APBB2: variants seen among roughly 807,000 people sequenced by gnomAD.
APBB2 encodes the protein Fe65-like 1.
APBB2 carries 38 observed loss-of-function variants against 82.5 expected under a neutral mutation model. The ratio of observed to expected loss-of-function variants is 0.46; its 90% CI spans 0.36 to 0.60. The LOEUF (loss-of-function observed/expected upper bound fraction) is 0.60. APBB2 is among the 20% of genes least tolerant of loss of function. APBB2 has a pLI of 0.00. For missense variants in APBB2, 772 were observed against 972.3 expected, an observed-to-expected ratio of 0.79 and a Z score of 2.74; for synonymous variants, 341 against 368.2, an observed-to-expected ratio of 0.93 and a Z score of 0.85.
intron 17 of APBB2, 99 bp downstream of exon 17, chr4:40,821,772 G>C: frequency 7.2e-7 from 1 of 1,393,896 alleles, no homozygotes; most frequent in Non-Finnish European, 9.8e-7. Context: ...TTAGGGATTC[G>C]ACTTTTTTCA....
chr4:41,192,377 C>T (rs1036868627), intron 1 of APBB2, among the ~76,000 whole-genome samples: 2 of 152,080 alleles, frequency 1.3e-5, no homozygotes, highest in African/African-American at 2.4e-5. Flanking sequence ...AGCCAAGATA[C>T]GGAAACAACC....
chr4:40,926,689 G>C (rs1782689723), intron 10 of APBB2, among the ~76,000 whole-genome samples: 1 of 152,182 alleles, frequency 6.6e-6, no homozygotes, highest in Admixed American at 6.5e-5. Flanking sequence ...TTGACCTCAG[G>C]TGATCCGCCA....
chr4:41,175,735 A>C (rs1217269405), intron 1 of APBB2, among the ~76,000 whole-genome samples: 2 of 152,230 alleles, frequency 1.3e-5, no homozygotes, highest in African/African-American at 4.8e-5. Flanking sequence ...TGAATGTTTG[A>C]ATGATTTGGA....
At chr4:40,937,917 C>T (rs1001781721) in intron 7 of APBB2, among the ~76,000 whole-genome samples, 1 of 152,216 alleles carries the variant, frequency 6.6e-6, no homozygotes, top group African/African-American at 2.4e-5. Flanking sequence ...TAAAAAAGCA[C>T]AACCCAACAG....
At chr4:40,969,927 T>C (rs903581977) in intron 6 of APBB2, among the ~76,000 whole-genome samples, 3 of 152,244 alleles carry the variant, frequency 2.0e-5, no homozygotes, top group East Asian at 1.9e-4. Flanking sequence ...ATTCTTCACA[T>C]ATAATGATAA....
At chr4:41,164,670 G>A (rs943020347) in intron 1 of APBB2, among the ~76,000 whole-genome samples, 2 of 152,138 alleles carry the variant, frequency 1.3e-5, no homozygotes, top group South Asian at 2.1e-4. Flanking sequence ...ATCACTTCTC[G>A]TTAAATGTTA....
At chr4:40,971,474 C>A (rs1050157924) in intron 6 of APBB2, among the ~76,000 whole-genome samples, 1 of 152,200 alleles carries the variant, frequency 6.6e-6, no homozygotes, top group Non-Finnish European at 1.5e-5. Context: ...CATCTTTATG[C>A]AGAAGCAGGA....
At chr4:40,860,130 C>T (rs1326779359) in intron 12 of APBB2, among the ~76,000 whole-genome samples, 2 of 152,212 alleles carry the variant, frequency 1.3e-5, no homozygotes, top group Non-Finnish European at 2.9e-5. Flanking sequence ...TGTTTCTGTA[C>T]AGTGAAGAAT....
At chr4:40,833,767 C>T (rs1448665130) in intron 12 of APBB2, among the ~76,000 whole-genome samples, 1 of 152,124 alleles carries the variant, frequency 6.6e-6, no homozygotes, top group Non-Finnish European at 1.5e-5. Flanking sequence ...AGTCCCTCCC[C>T]GGCTCTGACA....
At chr4:41,172,184 C>T (rs1207570352) in intron 1 of APBB2, among the ~76,000 whole-genome samples, 1 of 152,186 alleles carries the variant, frequency 6.6e-6, no homozygotes, top group African/African-American at 2.4e-5. Flanking sequence ...TGCCTGGTGC[C>T]TGGCCCCTGC....
chr4:41,101,832 G>A (rs1389805831), intron 2 of APBB2, among the ~76,000 whole-genome samples: 3 of 151,860 alleles, frequency 2.0e-5, no homozygotes, highest in African/African-American at 2.4e-5. Flanking sequence ...GGTGGCATGC[G>A]CCTGTAATCC....
At chr4:40,896,051 G>A (rs1028094067) in intron 10 of APBB2, among the ~76,000 whole-genome samples, 10 of 151,708 alleles carry the variant, frequency 6.6e-5, no homozygotes, top group East Asian at 3.9e-4. Context: ...ATAAACAGCC[G>A]GTGACCTCAA....
chr4:41,044,413 T>C (rs1034334902), intron 4 of APBB2, among the ~76,000 whole-genome samples: 7 of 152,370 alleles, frequency 4.6e-5, no homozygotes, highest in East Asian at 1.9e-4. Context: ...CTAATAATCT[T>C]TGATAGCTTC....
rs1369037441 is a variant in APBB2 at position 41,214,503 on chromosome 4, A to G, written c.-515T>C. On this transcript the variant is annotated 5_prime_UTR_variant, in exon 1 of 18. Coordinates refer to ENST00000508593, the MANE Select transcript of APBB2 (RefSeq NM_004307.2). ...CCCAGATCAGATGCGGTTACAGCGC[A>G]CTAGCTTCCTACTTGAGACCAGAAC... The G allele has an allele frequency of 6.6e-6, 1 of 152,306 alleles. No individual in the cohort carries two copies. The highest frequency in any genetic ancestry group is 2.1e-4 in the South Asian group (1 of 4,836). The allele number at this position is 152,306 out of a possible 1,614,324, so 9.4% of individuals were successfully genotyped here.
intron 1 of APBB2, among the ~76,000 whole-genome samples, chr4:41,174,629 T>C (rs933669786): frequency 7.2e-5 from 11 of 152,190 alleles, no homozygotes; most frequent in African/African-American, 2.2e-4. Context: ...TTAGACATGG[T>C]TGCATCACCT....
chr4:41,022,060 C>T (rs1035264172), intron 5 of APBB2, among the ~76,000 whole-genome samples: 1 of 152,164 alleles, frequency 6.6e-6, no homozygotes, highest in African/African-American at 2.4e-5. Context: ...GTGAGACTCA[C>T]GGCAAGGGTC....
At chr4:40,860,177 C>T (rs1762426863) in intron 12 of APBB2, among the ~76,000 whole-genome samples, 1 of 152,214 alleles carries the variant, frequency 6.6e-6, no homozygotes, top group African/African-American at 2.4e-5. Flanking sequence ...CCTTCAGCTT[C>T]TGGGAGGTAA....
At chr4:40,930,787 G>A (rs894575494) in intron 10 of APBB2, among the ~76,000 whole-genome samples, 19 of 151,718 alleles carry the variant, frequency 1.3e-4, no homozygotes, top group African/African-American at 4.4e-4. Context: ...TCGCTCTGTC[G>A]CCCAGGCTGG....
chr4:40,931,858 A>G (rs1019195298), intron 10 of APBB2, among the ~76,000 whole-genome samples: 6 of 152,068 alleles, frequency 3.9e-5, no homozygotes, highest in African/African-American at 1.4e-4. Context: ...TATGGAACAA[A>G]GTAAGACACA....
Sources: gnomAD v4.1 joint callset for allele counts (sites outside exome capture counted in the v4.1 genomes callset) on GRCh38, gnomAD v4.1.1 for gene constraint, MANE v1.5 for transcripts, NCBI Gene and HGNC (gene_info 2026-07-23, HGNC 2026-07-21) for gene names.